WDPCP: variants seen among roughly 807,000 people sequenced by gnomAD.
The protein encoded by WDPCP is WD repeat containing planar cell polarity effector.
WDPCP carries 71 observed loss-of-function variants against 93.1 expected under a neutral mutation model. That is an observed-to-expected ratio of 0.76 (90% CI 0.63 to 0.93). WDPCP has a LOEUF of 0.93. Ranked by LOEUF, WDPCP falls within the 40% of genes least tolerant of loss-of-function variation. WDPCP has a pLI of 0.00. For synonymous variants in WDPCP, 315 were observed against 315.0 expected (o/e 1.00, Z 0.00); for missense variants, 844 against 887.4 (o/e 0.95, Z 0.62).
intron 14 of WDPCP, among the ~76,000 whole-genome samples, chr2:63,176,510 G>A (rs928663072): frequency 6.6e-6 from 1 of 152,110 alleles, no homozygotes; most frequent in African/African-American, 2.4e-5. Context: ...TTCCTGTGGT[G>A]GCTCATGCCT....
At chr2:63,163,840 C>T (rs568336944) in intron 15 of WDPCP, among the ~76,000 whole-genome samples, 1 of 152,222 alleles carries the variant, frequency 6.6e-6, no homozygotes, top group Admixed American at 6.5e-5. Flanking sequence ...TATAGGCACA[C>T]ACCAGGATTC....
At chr2:63,604,548 T>C in intron 3 of WDPCP, 1 of 669,066 alleles carries the variant, frequency 1.5e-6, no homozygotes, top group South Asian at 2.0e-5. Flanking sequence ...GCAATAAATT[T>C]ACATTTTTTA....
rs527894946 is a variant in WDPCP at position 63,398,521 on chromosome 2, G to C, written c.1435+5527C>G. Among the ~76,000 whole-genome samples the C allele has an allele frequency of 7.9e-5, 12 of 152,218 alleles. No individual in the cohort carries two copies. The South Asian group carries it at 2.3e-3, about 29-fold the overall frequency. On this transcript the variant is annotated intron_variant, in intron 10 of 17. Coordinates refer to ENST00000272321, the MANE Select transcript of WDPCP (RefSeq NM_015910.7). ...CTTTTAATGCCCAACACATTTGTGT[G>C]ATCATTGTAAGGATTAAGAAATGGA...
intron 3 of WDPCP, among the ~76,000 whole-genome samples, chr2:63,649,957 C>T (rs1203172856): frequency 6.6e-6 from 1 of 152,144 alleles, no homozygotes; most frequent in South Asian, 2.1e-4. Flanking sequence ...GACAGACAAC[C>T]TCTGGGGTCA....
intron 15 of WDPCP, among the ~76,000 whole-genome samples, chr2:63,165,129 T>C (rs1672873295): frequency 6.6e-6 from 1 of 152,180 alleles, no homozygotes; most frequent in African/African-American, 2.4e-5. Context: ...TTTTAAGATA[T>C]GTGACACTAT....
chr2:63,313,416 T>C, intron 12 of WDPCP, 105 bp from the exon 13 acceptor site: 1 of 1,150,520 alleles, frequency 8.7e-7, no homozygotes, highest in Non-Finnish European at 1.3e-6. Flanking sequence ...GTCCTTCTGA[T>C]TGGAAAAATA....
chr2:63,467,914 T>G (rs1213611303), intron 6 of WDPCP, among the ~76,000 whole-genome samples: 1 of 152,136 alleles, frequency 6.6e-6, no homozygotes, highest in Non-Finnish European at 1.5e-5. Context: ...CATCCTTTAA[T>G]GTAAATCTTT....
rs1055995810 is a variant in WDPCP, at chr2:63,622,804, C to T, written n.488+27855G>A. ...ACTTGGTCCCAGGAACTCCGGAGCA[C>T]GCTCTGGCCCAGGAAATACTTAACC... On this transcript the variant is annotated intron_variant and non_coding_transcript_variant, in intron 3 of 4. Transcript: ENST00000467687. The T allele has an allele frequency of 1.4e-5, 22 of 1,611,878 alleles. No homozygotes were observed. In the Middle Eastern group the frequency reaches 5.0e-4, roughly 36 times the overall value.
chr2:63,580,598 C>T (rs949233617), intron 1 of WDPCP, among the ~76,000 whole-genome samples: 14 of 152,106 alleles, frequency 9.2e-5, no homozygotes, highest in African/African-American at 3.1e-4. Context: ...AAAAACTAGC[C>T]TATACTCTTC....
At chr2:63,640,075 C>T (rs1033375707) in intron 3 of WDPCP, among the ~76,000 whole-genome samples, 6 of 152,200 alleles carry the variant, frequency 3.9e-5, no homozygotes, top group Admixed American at 3.9e-4. Flanking sequence ...GTGGCGCGAT[C>T]TCTGCTCACT....
At position 63,767,026 on chromosome 2, in the gene WDPCP, A is replaced by G. The variant is rs1283413290; in HGVS notation, n.308+46596T>C. 3.9e-5 allele frequency among the ~76,000 whole-genome samples: 6 copies of G among 152,132 alleles called. No individual in the cohort carries two copies. The East Asian group carries it at 1.2e-3, about 29-fold the overall frequency. Reference sequence around the variant, plus strand: ...CCCCACCCTCACCCCATCCCCAGACAACCACTGATTTGTTTTATATCACTA... The same window carrying G: ...CCCCACCCTCACCCCATCCCCAGACGACCACTGATTTGTTTTATATCACTA... On this transcript the variant is annotated intron_variant and non_coding_transcript_variant, in intron 2 of 4. Transcript: ENST00000467687.
chr2:63,204,516 A>G (rs1272607032), intron 14 of WDPCP, among the ~76,000 whole-genome samples: 1 of 151,200 alleles, frequency 6.6e-6, no homozygotes, highest in African/African-American at 2.4e-5. Flanking sequence ...TAATTTTTGT[A>G]TTTTTAGTTG....
At chr2:63,206,319 G>C (rs546207742) in intron 14 of WDPCP, among the ~76,000 whole-genome samples, 3 of 152,232 alleles carry the variant, frequency 2.0e-5, no homozygotes, top group Admixed American at 2.0e-4. Context: ...AGTACTGTCT[G>C]TTGGTTCTCT....
intron 12 of WDPCP, among the ~76,000 whole-genome samples, chr2:63,368,605 C>T (rs944160112): frequency 2.0e-5 from 3 of 151,084 alleles, no homozygotes; most frequent in Admixed American, 6.6e-5. Flanking sequence ...GGATTATAGG[C>T]GTGAGCCACC....
chr2:63,177,100 T>C (rs879287437), intron 14 of WDPCP, among the ~76,000 whole-genome samples: 4 of 152,198 alleles, frequency 2.6e-5, no homozygotes, highest in Non-Finnish European at 5.9e-5. Context: ...CTCAATTCTG[T>C]TCATTTTTGT....
intron 2 of WDPCP, among the ~76,000 whole-genome samples, chr2:63,793,870 TTGTGTGTG>T (rs35714297): frequency 0.19 from 26,876 of 145,272 alleles, 2,547 homozygotes; most frequent in Middle Eastern, 0.26. Context: ...AGTACTTACA[TTGTGTGTG>T]TGTGTGTGTG....
At chr2:63,747,065 G>A (rs1669808904) in intron 2 of WDPCP, among the ~76,000 whole-genome samples, 1 of 151,824 alleles carries the variant, frequency 6.6e-6, no homozygotes, top group Admixed American at 6.6e-5. Flanking sequence ...TGACACTTAG[G>A]GAAAATAGAA....
intron 2 of WDPCP, among the ~76,000 whole-genome samples, chr2:63,775,950 G>A (rs999090469): frequency 6.6e-6 from 1 of 152,128 alleles, no homozygotes; most frequent in African/African-American, 2.4e-5. Flanking sequence ...TAAAATCCCA[G>A]CACTTTGGGA....
intron 1 of WDPCP, among the ~76,000 whole-genome samples, chr2:63,523,181 C>T (rs1245592954): frequency 6.6e-6 from 1 of 152,194 alleles, no homozygotes; most frequent in Non-Finnish European, 1.5e-5. Flanking sequence ...TGTGATTCAT[C>T]ACATAAACAG....
Sources: allele counts gnomAD v4.1 joint callset (sites outside exome capture counted in the v4.1 genomes callset), GRCh38; gene constraint gnomAD v4.1.1; transcripts MANE v1.5; gene names NCBI Gene and HGNC (gene_info 2026-07-23, HGNC 2026-07-21).